The following PPP2R5A variants were observed in gnomAD, a reference collection of about 807,000 sequenced individuals.
The protein encoded by PPP2R5A is protein phosphatase 2 regulatory subunit B'alpha, also known as serine/threonine-protein phosphatase 2A 56 kDa regulatory subunit alpha isoform.
PPP2R5A carries 25 observed loss-of-function variants against 64.2 expected under a neutral mutation model. The ratio of observed to expected loss-of-function variants is 0.39; its 90% confidence interval spans 0.28 to 0.54. The LOEUF (loss-of-function observed/expected upper bound fraction) is 0.54. Ranked by LOEUF, PPP2R5A falls within the 20% of genes least tolerant of loss-of-function variation. The pLI is 0.67. For synonymous variants in PPP2R5A, 198 were observed against 201.2 expected, an observed-to-expected ratio of 0.98 and a Z score of 0.13; for missense variants, 425 against 576.3, an observed-to-expected ratio of 0.74 and a Z score of 2.69.
intron 8 of PPP2R5A, among the ~76,000 whole-genome samples, chr1:212,353,495 T>C (rs1421648247): frequency 1.3e-5 from 2 of 152,170 alleles, no homozygotes; most frequent in Non-Finnish European, 2.9e-5. Context: ...CCTTTCTAAA[T>C]AGTGAGCTAC....
intron 1 of PPP2R5A, among the ~76,000 whole-genome samples, chr1:212,325,229 T>C (rs571270376): frequency 2.0e-5 from 3 of 152,268 alleles, no homozygotes; most frequent in African/African-American, 7.2e-5. Context: ...AATACGTAAT[T>C]GAAGTTGTGA....
rs140118657 is a variant in PPP2R5A at position 212,310,632 on chromosome 1, T to G, written c.182-18503T>G. ...GAAGTGGGAGCAGCAGCCCGAGGTCTTCTTTTTGGCTTGCCTCTTCCAGTG... is the reference window on the plus strand; with the variant it reads ...GAAGTGGGAGCAGCAGCCCGAGGTCGTCTTTTTGGCTTGCCTCTTCCAGTG... On this transcript the variant is annotated intron_variant, in intron 1 of 12. Transcript: ENST00000261461. Among the ~76,000 whole-genome samples the G allele has an allele frequency of 7.0e-4, 106 of 152,344 alleles. 1 individual carries two copies. The highest frequency in any genetic ancestry group is 2.2e-3 in the African/African-American group (90 of 41,586).
intron 1 of PPP2R5A, among the ~76,000 whole-genome samples, chr1:212,310,349 A>G (rs1173675589): frequency 6.6e-6 from 1 of 151,236 alleles, no homozygotes; most frequent in Non-Finnish European, 1.5e-5. Context: ...CTGTATCCTC[A>G]TTGAATTTAC....
intron 1 of PPP2R5A, among the ~76,000 whole-genome samples, chr1:212,323,691 T>TAGTA (rs1221255679): frequency 6.6e-6 from 1 of 152,120 alleles, no homozygotes; most frequent in Non-Finnish European, 1.5e-5. Context: ...AAGAAATGGA[T>TAGTA]TACTGAATGG....
chr1:212,329,382 G>T, intron 2 of PPP2R5A, 51 bp downstream of exon 2: 1 of 1,352,896 alleles, frequency 7.4e-7, no homozygotes, highest in Non-Finnish European at 9.8e-7. Flanking sequence ...TAAGATCTGA[G>T]GTATAATAAT....
intron 1 of PPP2R5A, among the ~76,000 whole-genome samples, chr1:212,302,256 G>A (rs575361353): frequency 1.8e-4 from 28 of 152,186 alleles, no homozygotes; most frequent in African/African-American, 6.7e-4. Flanking sequence ...TTAAAAATTC[G>A]GTGAACTGTT....
At position 212,357,015 on chromosome 1, in the gene PPP2R5A, T is replaced by G; in HGVS notation, c.1044T>G (p.Ile348Met). The G allele has an allele frequency of 1.2e-6, 2 of 1,611,960 alleles. No individual in the cohort carries two copies. Among genetic ancestry groups the G allele is most frequent in the South Asian group, 2.2e-5 (2 of 90,360 alleles). ...TTGAACCAACACAGTTCAAAAAAAT[T>G]GAAGAGCCACTTTTCAAGCAGATAT... is the stretch of plus-strand genomic sequence containing the variant. ...DVIEPTQFKK[I>M]EEPLFKQISK... The change falls in exon 10 of 13, where the codon ATT (isoleucine) becomes ATG (methionine). Residue 348 changes from isoleucine to methionine, a missense_variant. Physicochemically the swap from Ile to Met is conservative, Grantham distance 10. Transcript: ENST00000261461.
intron 1 of PPP2R5A, among the ~76,000 whole-genome samples, chr1:212,292,329 C>T (rs1404975735): frequency 6.6e-6 from 1 of 152,174 alleles, no homozygotes. Flanking sequence ...GTGATGCTCT[C>T]TCTCCAGAAT....
chr1:212,342,488 C>G (rs1044357342), intron 4 of PPP2R5A, among the ~76,000 whole-genome samples: 3 of 152,134 alleles, frequency 2.0e-5, no homozygotes, highest in Non-Finnish European at 4.4e-5. Flanking sequence ...TGAAGTCAAT[C>G]AAATTATCCT....
chr1:212,346,036 C>CT (rs1364056410), intron 5 of PPP2R5A, 103 bp downstream of exon 5: 46 of 1,174,114 alleles, frequency 3.9e-5, no homozygotes, highest in Non-Finnish European at 4.1e-5. Flanking sequence ...GGGTCTCACT[C>CT]TGTCATCCAG....
chr1:212,326,943 C>T (rs1659416879), intron 1 of PPP2R5A, among the ~76,000 whole-genome samples: 1 of 152,118 alleles, frequency 6.6e-6, no homozygotes, highest in Non-Finnish European at 1.5e-5. Flanking sequence ...AAGAATGTGC[C>T]TTATGTCTTG....
chr1:212,308,522 C>T (rs569966914), intron 1 of PPP2R5A, among the ~76,000 whole-genome samples: 1 of 151,712 alleles, frequency 6.6e-6, no homozygotes, highest in South Asian at 2.1e-4. Context: ...GATTCTCCTG[C>T]CTCACCCTCT....
At chr1:212,324,398 G>A (rs1010167236) in intron 1 of PPP2R5A, among the ~76,000 whole-genome samples, 3 of 152,090 alleles carry the variant, frequency 2.0e-5, no homozygotes, top group Admixed American at 6.5e-5. Context: ...GTTATGTGGC[G>A]CATGACTGTA....
At chr1:212,352,925 C>G (rs1470680031) in intron 8 of PPP2R5A, 2 of 519,034 alleles carry the variant, frequency 3.9e-6, no homozygotes, top group Non-Finnish European at 7.7e-6. Flanking sequence ...TGTAACTGAT[C>G]TGCAAGATTT....
At chr1:212,291,180 G>A (rs953328931) in intron 1 of PPP2R5A, among the ~76,000 whole-genome samples, 5 of 151,530 alleles carry the variant, frequency 3.3e-5, no homozygotes, top group Admixed American at 6.6e-5. Context: ...ACGATCTCTC[G>A]GCTCACTGCC....
intron 2 of PPP2R5A, among the ~76,000 whole-genome samples, chr1:212,332,423 A>T (rs1275929194): frequency 1.3e-5 from 2 of 152,218 alleles, no homozygotes; most frequent in East Asian, 1.9e-4. Flanking sequence ...TTCTTAAAAA[A>T]ATTGTAGATT....
At chr1:212,310,117 C>T (rs1659000604) in intron 1 of PPP2R5A, among the ~76,000 whole-genome samples, 1 of 152,160 alleles carries the variant, frequency 6.6e-6, no homozygotes. Context: ...GACCATACTC[C>T]CAGCTGTTAA....
chr1:212,291,805 G>A (rs139451697), intron 1 of PPP2R5A, among the ~76,000 whole-genome samples: 1 of 152,298 alleles, frequency 6.6e-6, no homozygotes, highest in African/African-American at 2.4e-5. Flanking sequence ...CATAATTAAA[G>A]CCCAACTATT....
chr1:212,335,751 A>G lies in PPP2R5A; in HGVS notation c.480+2153A>G, dbSNP rs150778814. Among the ~76,000 whole-genome samples the G allele has an allele frequency of 6.6e-5, 10 of 152,320 alleles. 1 individual carries two copies. Among genetic ancestry groups the G allele is most frequent in the African/African-American group, 2.2e-4 (9 of 41,580 alleles). ...ACAAGTTTATCTGAAATTTTGTTCC[A>G]TAGTTGGTGTAAAATTAATAATGCT... On this transcript the variant is annotated intron_variant, in intron 3 of 12. Transcript: ENST00000261461.
Sources: allele counts gnomAD v4.1 joint callset (sites outside exome capture counted in the v4.1 genomes callset), GRCh38; gene constraint gnomAD v4.1.1; transcripts MANE v1.5; gene names NCBI Gene and HGNC (gene_info 2026-07-23, HGNC 2026-07-21).